ARHGEF7: variants seen among roughly 807,000 people sequenced by gnomAD.
ARHGEF7 encodes the protein Rho guanine nucleotide exchange factor 7, also known as PAK-interacting exchange factor beta.
ARHGEF7 carries 33 observed loss-of-function variants against 109.8 expected under a neutral mutation model. That is an observed-to-expected ratio of 0.30 (90% CI 0.23 to 0.40). ARHGEF7 has a LOEUF of 0.40. ARHGEF7 is among the 10% of genes least tolerant of loss of function. ARHGEF7 has a pLI of 1.00. For synonymous variants in ARHGEF7, 458 were observed against 424.6 expected (o/e 1.08, Z -0.97); for missense variants, 938 against 1,098.5 (o/e 0.85, Z 2.07).
chr13:111,249,572 G>A (rs555717478), intron 8 of ARHGEF7, among the ~76,000 whole-genome samples: 4 of 152,138 alleles, frequency 2.6e-5, no homozygotes, highest in South Asian at 2.1e-4. Context: ...TCAGTTGTGC[G>A]TTTTTCTCAG....
chr13:111,183,687 C>G (rs1407344772), intron 2 of ARHGEF7, among the ~76,000 whole-genome samples: 1 of 152,178 alleles, frequency 6.6e-6, no homozygotes, highest in Non-Finnish European at 1.5e-5. Flanking sequence ...ATTATGGCCT[C>G]TTTATGAGGG....
intron 18 of ARHGEF7, among the ~76,000 whole-genome samples, chr13:111,290,559 TGTGTCATA>T (rs139679857): frequency 0.017 from 2,595 of 152,306 alleles, 69 homozygotes; most frequent in African/African-American, 0.06. Flanking sequence ...GAGCTTTGTA[TGTGTCATA>T]GTGCCCACCA....
At chr13:111,177,537 A>G (rs1195093749) in intron 2 of ARHGEF7, among the ~76,000 whole-genome samples, 1 of 152,196 alleles carries the variant, frequency 6.6e-6, no homozygotes, top group Admixed American at 6.5e-5. Context: ...ATGTGTTCTC[A>G]GTATCCCTGA....
At chr13:111,282,860 A>G (rs1799962597) in intron 15 of ARHGEF7, 4 of 531,774 alleles carry the variant, frequency 7.5e-6, no homozygotes, top group Non-Finnish European at 1.3e-5. Flanking sequence ...AAATGTGGCT[A>G]GTGGATGTCT....
At chr13:111,182,062 G>A (rs2078791421) in intron 2 of ARHGEF7, 1 of 152,224 alleles carries the variant, frequency 6.6e-6, no homozygotes, top group African/African-American at 2.4e-5. Flanking sequence ...TTGTTCAGAG[G>A]AAGCTGGGAG....
chr13:111,209,889 G>A lies in ARHGEF7; in HGVS notation c.355G>A (p.Asp119Asn). ...KVTADIGLGSDSVCARPSSHR... is the reference protein window; with the variant it reads ...KVTADIGLGSNSVCARPSSHR... Reference sequence around the variant, plus strand: ...CTTTGCAGACATCGGGCTGGGGAGTGACTCCGTGTGTGCCCGGCCCTCGTC... The same window carrying A: ...CTTTGCAGACATCGGGCTGGGGAGTAACTCCGTGTGTGCCCGGCCCTCGTC... The change falls in exon 4 of 22, where the codon GAC becomes AAC. Residue 119 changes from aspartate to asparagine, a missense_variant. This residue lies in a region of ARHGEF7 where 585 missense variants were observed against 723.6 expected (regional missense o/e 0.81). Coordinates refer to ENST00000646102, the MANE Select transcript of ARHGEF7 (RefSeq NM_001354046.2). The A allele has an allele frequency of 6.2e-7, 1 of 1,614,178 alleles. No individual in the cohort carries two copies. The highest frequency in any genetic ancestry group is 8.5e-7 in the Non-Finnish European group (1 of 1,180,022).
At chr13:111,257,322 C>T (rs2153568813) in intron 8 of ARHGEF7, among the ~76,000 whole-genome samples, 2 of 152,282 alleles carry the variant, frequency 1.3e-5, no homozygotes, top group Non-Finnish European at 2.9e-5. Context: ...ATGGTAAATG[C>T]CTTTCAATGT....
chr13:111,146,905 A>T (rs977893132), intron 1 of ARHGEF7, among the ~76,000 whole-genome samples: 46 of 152,232 alleles, frequency 3.0e-4, no homozygotes, highest in Non-Finnish European at 5.1e-4. Context: ...ATTAAGTACA[A>T]AAGGCATACT....
At position 111,158,100 on chromosome 13, in the gene ARHGEF7, A is replaced by G. The variant is rs897078321; in HGVS notation, c.252+4109A>G. On this transcript the variant is annotated intron_variant, in intron 2 of 21. Coordinates refer to ENST00000646102, the MANE Select transcript of ARHGEF7 (RefSeq NM_001354046.2). ...TTTCAGGAATATTAGCAACAAAATTATTATAATAAAGCTATGGATTTTAAC... is the reference window on the plus strand; with the variant it reads ...TTTCAGGAATATTAGCAACAAAATTGTTATAATAAAGCTATGGATTTTAAC... Among the ~76,000 whole-genome samples the G allele has an allele frequency of 2.0e-5, 3 of 152,246 alleles. No homozygotes were observed. The South Asian group carries it at 6.2e-4, about 31-fold the overall frequency.
chr13:111,154,313 G>T (rs1040513191), intron 2 of ARHGEF7, among the ~76,000 whole-genome samples: 6 of 152,218 alleles, frequency 3.9e-5, no homozygotes, highest in African/African-American at 9.6e-5. Context: ...TTTATCAGGG[G>T]TGTGAACCGA....
intron 1 of ARHGEF7, among the ~76,000 whole-genome samples, chr13:111,122,499 C>T (rs368689963): frequency 6.6e-6 from 1 of 152,188 alleles, no homozygotes; most frequent in Non-Finnish European, 1.5e-5. Context: ...AGGTTTGATG[C>T]ACCAGGCTGG....
chr13:111,121,585 T>C (rs1427873833), intron 1 of ARHGEF7, among the ~76,000 whole-genome samples: 1 of 152,156 alleles, frequency 6.6e-6, no homozygotes, highest in Non-Finnish European at 1.5e-5. Context: ...TTGTGTAGGC[T>C]TGACGCCCAC....
At chr13:111,120,774 G>GCA (rs1214706444) in intron 1 of ARHGEF7, among the ~76,000 whole-genome samples, 1 of 152,228 alleles carries the variant, frequency 6.6e-6, no homozygotes. Context: ...ATGGCAGGCA[G>GCA]CATGCTCCTC....
At chr13:111,160,793 C>T (rs903498897) in intron 2 of ARHGEF7, among the ~76,000 whole-genome samples, 2 of 152,152 alleles carry the variant, frequency 1.3e-5, no homozygotes, top group Non-Finnish European at 2.9e-5. Flanking sequence ...GGCTCCTCCC[C>T]CTTTGCTCCT....
intron 2 of ARHGEF7, among the ~76,000 whole-genome samples, chr13:111,196,642 C>T (rs1023416203): frequency 6.6e-6 from 1 of 151,940 alleles, no homozygotes; most frequent in African/African-American, 2.4e-5. Context: ...TTTTGTGGTC[C>T]CTTGGAGATT....
chr13:111,295,166 C>T, intron 19 of ARHGEF7: 1 of 985,706 alleles, frequency 1.0e-6, no homozygotes. Context: ...CTGTTATGTA[C>T]AGTTGAAATA....
intron 2 of ARHGEF7, among the ~76,000 whole-genome samples, 195 bp downstream of exon 2, chr13:111,154,186 G>A (rs1421262371): frequency 6.6e-6 from 1 of 152,234 alleles, no homozygotes; most frequent in Non-Finnish European, 1.5e-5. Context: ...CGGCGCGCGG[G>A]CCACCCCCAG....
rs567251942 is a variant in ARHGEF7, at chr13:111,203,206, T to C, written c.253-2083T>C. The stretch of plus-strand genomic sequence containing the variant: ...ACTTGAATTTTCAGAGCACTAAGAT[T>C]AGATCTGTAGAGCTGAAAGACATTC... On this transcript the variant is annotated intron_variant, in intron 2 of 21. Coordinates refer to ENST00000646102, the MANE Select transcript of ARHGEF7 (RefSeq NM_001354046.2). 1.1e-4 allele frequency: 85 copies of C among 752,532 alleles called. No homozygotes were observed. In the South Asian group the frequency reaches 1.5e-3, roughly 13 times the overall value. 46.6% of individuals were successfully genotyped at this position (752,532 alleles called of 1,614,324 possible). A position where few individuals can be genotyped will look rare whatever the true frequency, so the allele number is the denominator to read the frequency against.
intron 9 of ARHGEF7, among the ~76,000 whole-genome samples, chr13:111,270,432 A>G (rs753816387): frequency 1.3e-5 from 2 of 151,278 alleles, no homozygotes; most frequent in Non-Finnish European, 2.9e-5. Flanking sequence ...TTTTTTTTTA[A>G]CTTCAAACTG....
Sources: allele counts gnomAD v4.1 joint callset (sites outside exome capture counted in the v4.1 genomes callset), GRCh38; gene constraint gnomAD v4.1.1; regional missense constraint gnomAD v4.1.1; transcripts MANE v1.5; gene names NCBI Gene and HGNC (gene_info 2026-07-23, HGNC 2026-07-21).